CDH13: variants seen among roughly 807,000 people sequenced by gnomAD.
CDH13 encodes cadherin 13.
CDH13 carries 24 observed loss-of-function variants against 63.8 expected under a neutral mutation model. That is an observed-to-expected ratio of 0.38 (90% confidence interval 0.27 to 0.53). The LOEUF (loss-of-function observed/expected upper bound fraction) is 0.53, where lower values mean the gene tolerates loss of function less well. CDH13 is among the 20% of genes least tolerant of loss of function. The pLI, the probability that CDH13 is intolerant of heterozygous loss-of-function variation, is 0.85. For synonymous variants in CDH13, 503 were observed against 355.3 expected (o/e 1.42, Z -4.67); for missense variants, 1,049 against 903.1 (o/e 1.16, Z -2.07).
At chr16:82,906,044 C>G (rs1253275067) in intron 2 of CDH13, among the ~76,000 whole-genome samples, 1 of 152,164 alleles carries the variant, frequency 6.6e-6, no homozygotes, top group Non-Finnish European at 1.5e-5. Context: ...ATATTTCTAT[C>G]TATCTACCTG....
chr16:83,653,531 A>AC (rs1439502687), intron 8 of CDH13, among the ~76,000 whole-genome samples: 5 of 152,136 alleles, frequency 3.3e-5, no homozygotes, highest in Non-Finnish European at 7.3e-5. Context: ...AGCTGAGAAA[A>AC]TTAAAATATA....
intron 2 of CDH13, among the ~76,000 whole-genome samples, chr16:82,942,121 C>G (rs1434342130): frequency 6.6e-6 from 1 of 152,128 alleles, no homozygotes; most frequent in Non-Finnish European, 1.5e-5. Flanking sequence ...TTGCATACCC[C>G]AAGGTCACAG....
At chr16:83,319,630 A>G (rs914295777) in intron 5 of CDH13, among the ~76,000 whole-genome samples, 4 of 152,198 alleles carry the variant, frequency 2.6e-5, no homozygotes, top group African/African-American at 9.7e-5. Context: ...AAATTACTAA[A>G]CAAAACTAGT....
chr16:83,749,535 T>C (rs1191868378), intron 11 of CDH13, among the ~76,000 whole-genome samples: 1 of 152,210 alleles, frequency 6.6e-6, no homozygotes, highest in Non-Finnish European at 1.5e-5. Context: ...TTTGGATGTA[T>C]GTGGAAAAGT....
Position 83,190,733 on chromosome 16 carries a change from G to A in CDH13, c.484-26612G>A, listed in dbSNP as rs532825049. The stretch of plus-strand genomic sequence containing the variant: ...AGTTATTTTTCCAAGGCAGTAAAAT[G>A]TGAAGATTGCAATTAGTTAACCATT... On this transcript the variant is annotated intron_variant, in intron 4 of 13. Transcript: ENST00000567109. Among the ~76,000 whole-genome samples, 26 of 152,290 alleles carry A rather than the reference G, an allele frequency of 1.7e-4. 1 individual carries two copies. The East Asian group carries it at 2.5e-3, about 15-fold the overall frequency.
chr16:82,657,546 T>A (rs187292215), intron 1 of CDH13, among the ~76,000 whole-genome samples: 7 of 152,354 alleles, frequency 4.6e-5, no homozygotes, highest in Admixed American at 3.9e-4. Flanking sequence ...ATTTTTCTAT[T>A]TAATATTTTC....
chr16:83,543,042 C>T (rs2075322504), intron 7 of CDH13, among the ~76,000 whole-genome samples: 1 of 152,240 alleles, frequency 6.6e-6, no homozygotes, highest in South Asian at 2.1e-4. Context: ...TTGTTGTGAG[C>T]TGCAAAAGTG....
chr16:83,494,418 T>C (rs1223889669), intron 7 of CDH13, among the ~76,000 whole-genome samples: 2 of 152,194 alleles, frequency 1.3e-5, no homozygotes, highest in Admixed American at 1.3e-4. Context: ...AAACCCCAAA[T>C]CCTCTAAATT....
chr16:82,870,161 A>G (rs1375917691), intron 2 of CDH13, among the ~76,000 whole-genome samples: 1 of 152,232 alleles, frequency 6.6e-6, no homozygotes, highest in African/African-American at 2.4e-5. Flanking sequence ...GGCGAAAGAT[A>G]TGAATTGACG....
At chr16:83,171,482 T>A (rs1378943754) in intron 4 of CDH13, 2 of 1,500,448 alleles carry the variant, frequency 1.3e-6, no homozygotes, top group Non-Finnish European at 1.8e-6. Context: ...TTACTCATTC[T>A]ATGAAAATAG....
chr16:83,221,602 T>A (rs1384733722), intron 5 of CDH13, among the ~76,000 whole-genome samples: 2 of 130,518 alleles, frequency 1.5e-5, no homozygotes, highest in African/African-American at 5.9e-5. Context: ...TTTGCCAATA[T>A]GGGATGACGG....
intron 7 of CDH13, among the ~76,000 whole-genome samples, chr16:83,567,127 C>T (rs1461638577): frequency 6.6e-6 from 1 of 152,196 alleles, no homozygotes; most frequent in African/African-American, 2.4e-5. Context: ...TTCAGCCTCC[C>T]TTCTTCCAGG....
chr16:83,014,984 G>A (rs77258988), intron 2 of CDH13, among the ~76,000 whole-genome samples: 4,202 of 149,800 alleles, frequency 0.028, 193 homozygotes, highest in African/African-American at 0.099. Context: ...TTTAATGAGA[G>A]CAGATAGATC....
intron 4 of CDH13, among the ~76,000 whole-genome samples, chr16:83,156,925 T>G (rs1333675398): frequency 1.3e-5 from 2 of 152,214 alleles, no homozygotes; most frequent in Non-Finnish European, 2.9e-5. Context: ...GTCTGCTTTT[T>G]TCCCACAGTG....
intron 7 of CDH13, among the ~76,000 whole-genome samples, chr16:83,591,112 G>A (rs1159239102): frequency 2.0e-5 from 3 of 151,674 alleles, no homozygotes; most frequent in African/African-American, 7.3e-5. Flanking sequence ...GGGTTCACCA[G>A]GTTGGCCATG....
At chr16:82,669,745 C>G (rs917271578) in intron 1 of CDH13, among the ~76,000 whole-genome samples, 4 of 152,144 alleles carry the variant, frequency 2.6e-5, no homozygotes, top group African/African-American at 9.7e-5. Flanking sequence ...TATAATTGGA[C>G]GGAACCATTT....
At chr16:82,670,595 A>G (rs1444565053) in intron 1 of CDH13, among the ~76,000 whole-genome samples, 2 of 152,198 alleles carry the variant, frequency 1.3e-5, no homozygotes, top group Non-Finnish European at 2.9e-5. Flanking sequence ...AGATGGGGCT[A>G]TAATTAGGGG....
At chr16:83,766,872 T>G (rs576375106) in intron 11 of CDH13, among the ~76,000 whole-genome samples, 364 of 152,168 alleles carry the variant, frequency 2.4e-3, no homozygotes, top group Middle Eastern at 0.01. Context: ...ACTGACTGTT[T>G]TATAAGCATC....
At chr16:82,806,126 C>T (rs2037125980) in intron 1 of CDH13, among the ~76,000 whole-genome samples, 1 of 152,184 alleles carries the variant, frequency 6.6e-6, no homozygotes, top group South Asian at 2.1e-4. Context: ...TGCCAGCCTT[C>T]TCTCCACTGT....
Sources: gnomAD v4.1 joint callset for allele counts (sites outside exome capture counted in the v4.1 genomes callset) on GRCh38, gnomAD v4.1.1 for gene constraint, MANE v1.5 for transcripts, NCBI Gene and HGNC (gene_info 2026-07-23, HGNC 2026-07-21) for gene names.